CAGE1: variants seen among roughly 807,000 people sequenced by gnomAD.
CAGE1 encodes cancer-associated gene 1 protein.
In CAGE1, 66 loss-of-function variants were observed where a neutral mutation model predicts 94.9. The observed-to-expected ratio is 0.70, with a 90% CI of 0.57 to 0.85. The LOEUF (loss-of-function observed/expected upper bound fraction) is 0.85, where lower values mean the gene tolerates loss of function less well. Among genes scored for constraint, CAGE1 ranks in the 40% least tolerant of loss-of-function variants. CAGE1 has a pLI of 0.00. For missense variants in CAGE1, 865 were observed against 950.4 expected (o/e 0.91, Z 1.18); for synonymous variants, 319 against 321.0 (o/e 0.99, Z 0.07).
At chr6:7,347,000 T>G (rs1191911367) in intron 11 of CAGE1, among the ~76,000 whole-genome samples, 1 of 152,148 alleles carries the variant, frequency 6.6e-6, no homozygotes, top group Non-Finnish European at 1.5e-5. Context: ...AAATATACAT[T>G]AGGAAAAAAT....
chr6:7,357,616 G>A (rs2764077), intron 9 of CAGE1, among the ~76,000 whole-genome samples: 67,078 of 151,780 alleles, frequency 0.44, 15,374 homozygotes, highest in African/African-American at 0.57. Flanking sequence ...TATTTTAAAG[G>A]TAAAGGAATT....
intron 12 of CAGE1, among the ~76,000 whole-genome samples, chr6:7,333,479 A>G (rs941124588): frequency 1.3e-5 from 2 of 152,064 alleles, no homozygotes; most frequent in African/African-American, 4.8e-5. Context: ...AAAGCAGGGA[A>G]TCTGGCTTTC....
At chr6:7,383,800 G>C (rs966588119) in intron 3 of CAGE1, among the ~76,000 whole-genome samples, 7 of 151,936 alleles carry the variant, frequency 4.6e-5, no homozygotes, top group Admixed American at 1.3e-4. Flanking sequence ...ATTTTTTATG[G>C]CCTCCAGGAA....
chr6:7,327,811 C>A (rs1561843357), intron 13 of CAGE1, among the ~76,000 whole-genome samples: 1 of 151,882 alleles, frequency 6.6e-6, no homozygotes, highest in Admixed American at 6.6e-5. Context: ...CTGCCTGTAA[C>A]CCCAGCTACT....
At chr6:7,345,177 C>G (rs979997088) in intron 11 of CAGE1, among the ~76,000 whole-genome samples, 1 of 139,414 alleles carries the variant, frequency 7.2e-6, no homozygotes, top group Non-Finnish European at 1.5e-5. Flanking sequence ...AGCTATGACA[C>G]TCCTTGTGAA....
chr6:7,381,592 G>A (rs184902205), intron 3 of CAGE1, among the ~76,000 whole-genome samples: 7 of 149,936 alleles, frequency 4.7e-5, no homozygotes, highest in African/African-American at 1.2e-4. Flanking sequence ...GCTGTGGCAC[G>A]ATCTCGGCTC....
chr6:7,352,304 A>C (rs12174447), intron 11 of CAGE1, among the ~76,000 whole-genome samples: 8 of 115,060 alleles, frequency 7.0e-5, no homozygotes, highest in South Asian at 2.8e-4. Context: ...AAAAAAAAAA[A>C]ACAAAAAAAA....
chr6:7,370,101 A>G (rs778487815), intron 5 of CAGE1, 36 bp from the exon 6 acceptor site: 25 of 1,489,284 alleles, frequency 1.7e-5, no homozygotes, highest in Admixed American at 1.1e-4. Flanking sequence ...CAAAATAATG[A>G]TGAAGAACCT....
chr6:7,373,042 C>A, intron 5 of CAGE1, 31 bp downstream of exon 5: 1 of 1,473,586 alleles, frequency 6.8e-7, no homozygotes, highest in South Asian at 1.3e-5. Flanking sequence ...CTTGAAATTC[C>A]GCATTAGAGA....
In CAGE1 at chr6:7,378,755, A is replaced by G. The variant is rs748680909; in HGVS notation, c.549T>C (p.Phe183=). Reference sequence around the variant, plus strand: ...GCGGGCTTCTAGGAGGAGGCTGTCTAAAATACTCGTTACCAAGTTGGTCTG... The same window carrying G: ...GCGGGCTTCTAGGAGGAGGCTGTCTGAAATACTCGTTACCAAGTTGGTCTG... ...ANTDQLGNEY[F]RQPPPRSPPL... is the part of the protein sequence containing the mutation. The change falls in exon 4 of 14, where the codon TTT becomes TTC. Residue 183 remains phenylalanine, a synonymous_variant. Coordinates refer to ENST00000502583, the MANE Select transcript of CAGE1 (RefSeq NM_001170692.2). 4 of 1,613,834 alleles carry G rather than the reference A, an allele frequency of 2.5e-6. No homozygotes were observed. Among genetic ancestry groups the G allele is most frequent in the African/African-American group, 2.7e-5 (2 of 74,922 alleles).
At position 7,342,173 on chromosome 6, in the gene CAGE1, G is replaced by A. The variant is rs186097960; in HGVS notation, c.2370-8083C>T. On this transcript the variant is annotated intron_variant, in intron 11 of 13. Transcript: ENST00000502583. ...GGAACTGGATCAGGCTGCCTGGACA[G>A]TTGGGCCCCCTGCCCATATCTGACA... 3,216 of 1,015,374 alleles carry A rather than the reference G, an allele frequency of 3.2e-3. 11 individuals carry two copies. The highest frequency in any genetic ancestry group is 4.5e-3 in the Admixed American group (266 of 58,774). The allele number at this position is 1,015,374 out of a possible 1,614,324, so 62.9% of individuals were successfully genotyped here.
chr6:7,358,070 A>ATATATATATATATATATATAT (rs1321838889), intron 9 of CAGE1, among the ~76,000 whole-genome samples: 1 of 120,898 alleles, frequency 8.3e-6, no homozygotes, highest in Non-Finnish European at 1.7e-5. Context: ...ATATATATAT[A>ATATATATATATATATATATAT]TGCCTCCAAA....
At chr6:7,375,898 C>T (rs1760724701) in intron 4 of CAGE1, among the ~76,000 whole-genome samples, 1 of 152,120 alleles carries the variant, frequency 6.6e-6, no homozygotes, top group Admixed American at 6.5e-5. Flanking sequence ...ATTACTGAGA[C>T]CTACAAGGCC....
chr6:7,337,379 T>C (rs9392877), intron 11 of CAGE1, among the ~76,000 whole-genome samples: 17,222 of 150,038 alleles, frequency 0.11, 1,319 homozygotes, highest in East Asian at 0.31. Flanking sequence ...TGAAGTCGAA[T>C]TTATTAAAAT....
At chr6:7,366,542 G>C (rs1380201008) in intron 7 of CAGE1, among the ~76,000 whole-genome samples, 1 of 152,150 alleles carries the variant, frequency 6.6e-6, no homozygotes, top group Non-Finnish European at 1.5e-5. Context: ...ACTAGGCAGA[G>C]GGTGCTTATG....
intron 11 of CAGE1, among the ~76,000 whole-genome samples, chr6:7,354,019 A>G (rs1216026672): frequency 6.6e-6 from 1 of 152,074 alleles, no homozygotes; most frequent in East Asian, 1.9e-4. Flanking sequence ...TGGGTGCACC[A>G]AAATCTCACA....
At chr6:7,352,351 C>T (rs1051418058) in intron 11 of CAGE1, among the ~76,000 whole-genome samples, 7 of 147,610 alleles carry the variant, frequency 4.7e-5, no homozygotes, top group African/African-American at 1.8e-4. Flanking sequence ...GTCGAAAGAC[C>T]TCTACAGGGA....
intron 11 of CAGE1, among the ~76,000 whole-genome samples, chr6:7,344,599 C>T (rs9405335): frequency 0.093 from 14,180 of 152,046 alleles, 1,535 homozygotes; most frequent in African/African-American, 0.26. Flanking sequence ...CTGAGGAGTG[C>T]GGGCGTACGG....
chr6:7,386,674 C>T (rs1237667664), intron 2 of CAGE1, among the ~76,000 whole-genome samples: 1 of 152,140 alleles, frequency 6.6e-6, no homozygotes, highest in Non-Finnish European at 1.5e-5. Context: ...GTAACCTCTA[C>T]CTCCCAGGTT....
Sources: allele counts gnomAD v4.1 joint callset (sites outside exome capture counted in the v4.1 genomes callset), GRCh38; gene constraint gnomAD v4.1.1; transcripts MANE v1.5; gene names NCBI Gene and HGNC (gene_info 2026-07-23, HGNC 2026-07-21).